VPS50: variants seen among roughly 807,000 people sequenced by gnomAD.
The protein encoded by VPS50 is syndetin.
A neutral mutation model predicts 139.7 loss-of-function variants in VPS50; 70 were observed. The ratio of observed to expected loss-of-function variants is 0.50; its 90% CI spans 0.41 to 0.61. The LOEUF (loss-of-function observed/expected upper bound fraction) is 0.61. Ranked by LOEUF, VPS50 falls within the 20% of genes least tolerant of loss-of-function variation. The probability of loss-of-function intolerance (pLI) is 0.00; values close to 1 mark genes in which losing one functional copy is unlikely to be tolerated. For missense variants in VPS50, 921 were observed against 1,133.7 expected, an observed-to-expected ratio of 0.81 and a Z score of 2.69; for synonymous variants, 365 against 376.7, an observed-to-expected ratio of 0.97 and a Z score of 0.36.
At chr7:93,306,271 G>C (rs536712895) in intron 18 of VPS50, among the ~76,000 whole-genome samples, 1 of 151,844 alleles carries the variant, frequency 6.6e-6, no homozygotes, top group Non-Finnish European at 1.5e-5. Flanking sequence ...TCAAGTAGTA[G>C]TGTAATTTCT....
intron 9 of VPS50, among the ~76,000 whole-genome samples, chr7:93,267,707 G>A (rs760502157): frequency 2.0e-5 from 3 of 152,098 alleles, no homozygotes; most frequent in Non-Finnish European, 4.4e-5. Context: ...TTCGAATTAA[G>A]CCTGGAAAGA....
intron 20 of VPS50, among the ~76,000 whole-genome samples, chr7:93,313,804 T>A (rs1366508020): frequency 6.6e-6 from 1 of 152,184 alleles, no homozygotes; most frequent in Non-Finnish European, 1.5e-5. Context: ...AAAGCCTTAC[T>A]CTGTGAAGAG....
chr7:93,332,062 A>G (rs1319840777), intron 21 of VPS50, among the ~76,000 whole-genome samples: 2 of 152,246 alleles, frequency 1.3e-5, no homozygotes, highest in East Asian at 1.9e-4. Context: ...AAGGCCTGAC[A>G]GTATTAAGAA....
intron 2 of VPS50, chr7:93,245,971 A>T (rs1316481074): frequency 1.6e-6 from 1 of 637,500 alleles, no homozygotes; most frequent in Non-Finnish European, 2.8e-6. Context: ...AAAGAGATAA[A>T]ATCTATTTCT....
intron 12 of VPS50, among the ~76,000 whole-genome samples, chr7:93,285,122 T>TAACA (rs1699283599): frequency 6.6e-6 from 1 of 152,192 alleles, no homozygotes; most frequent in Non-Finnish European, 1.5e-5. Flanking sequence ...CTCATAGTAC[T>TAACA]AACAGCATTC....
intron 2 of VPS50, among the ~76,000 whole-genome samples, chr7:93,245,895 T>G (rs534883176): frequency 6.6e-6 from 1 of 151,984 alleles, no homozygotes; most frequent in East Asian, 1.9e-4. Context: ...CATTATAAAC[T>G]TACGTGGCAT....
intron 26 of VPS50, among the ~76,000 whole-genome samples, chr7:93,355,293 T>A (rs1798674566): frequency 6.6e-6 from 1 of 152,160 alleles, no homozygotes; most frequent in Non-Finnish European, 1.5e-5. Flanking sequence ...TGTTAGGGTT[T>A]GTATATTTGT....
chr7:93,333,930 A>G (rs4729079), intron 21 of VPS50, 187 bp from the exon 22 acceptor site: 226,586 of 533,650 alleles, frequency 0.42, 52,275 homozygotes, highest in African/African-American at 0.73. Context: ...ACACAGGTAA[A>G]TGTTTCTTTG....
intron 1 of VPS50, among the ~76,000 whole-genome samples, chr7:93,233,691 G>T (rs2116752369): frequency 6.6e-6 from 1 of 152,314 alleles, no homozygotes; most frequent in South Asian, 2.1e-4. Flanking sequence ...GTTGAGTACT[G>T]GTGTTGTGCG....
At chr7:93,285,946 T>G (rs550342804) in intron 12 of VPS50, among the ~76,000 whole-genome samples, 3 of 152,298 alleles carry the variant, frequency 2.0e-5, no homozygotes, top group South Asian at 2.1e-4. Flanking sequence ...TTATTAGACA[T>G]GTATGTTGTC....
intron 16 of VPS50, among the ~76,000 whole-genome samples, chr7:93,298,792 C>T (rs547289381): frequency 2.4e-4 from 36 of 152,270 alleles, no homozygotes; most frequent in Non-Finnish European, 4.9e-4. Flanking sequence ...CTCTTAGAAA[C>T]ATTTGTGAAA....
chr7:93,259,303 A>C, intron 8 of VPS50: 1 of 315,612 alleles, frequency 3.2e-6, no homozygotes, highest in East Asian at 5.1e-5. Context: ...AGTCATGGAA[A>C]TGGTCTCAGG....
chr7:93,232,581 C>A lies in VPS50; in HGVS notation c.33+81C>A, dbSNP rs906053693. 2.1e-5 allele frequency: 26 copies of A among 1,251,916 alleles called. No homozygotes were observed. The East Asian group carries it at 5.1e-4, about 25-fold the overall frequency. 77.6% of individuals were successfully genotyped at this position (1,251,916 alleles called of 1,614,324 possible). A position where few individuals can be genotyped will look rare whatever the true frequency, so the allele number is the denominator to read the frequency against. Reference sequence around the variant, plus strand: ...GAGATGTTCTGTCCCCAACCAGTGGCGGGCGGGGATCTAAGTTATGGGTGG... The same window carrying A: ...GAGATGTTCTGTCCCCAACCAGTGGAGGGCGGGGATCTAAGTTATGGGTGG... On this transcript the variant is annotated intron_variant, in intron 1 of 27. Transcript: ENST00000305866.
chr7:93,327,985 A>G (rs990364331), intron 21 of VPS50, among the ~76,000 whole-genome samples: 1 of 152,168 alleles, frequency 6.6e-6, no homozygotes, highest in African/African-American at 2.4e-5. Flanking sequence ...GCTTCTAGAA[A>G]TCATTGGTTG....
chr7:93,276,476 C>T (rs1796157813), intron 12 of VPS50, 171 bp downstream of exon 12: 13 of 1,096,336 alleles, frequency 1.2e-5, no homozygotes, highest in Non-Finnish European at 1.6e-5. Flanking sequence ...AGTTGGAGGA[C>T]TCAGTCACAC....
chr7:93,315,678 A>T (rs1797405197), intron 20 of VPS50, among the ~76,000 whole-genome samples: 1 of 152,232 alleles, frequency 6.6e-6, no homozygotes, highest in Admixed American at 6.5e-5. Context: ...GCATCTTTTC[A>T]TATGCTTAAA....
At chr7:93,348,918 G>C in intron 24 of VPS50, 111 bp downstream of exon 24, 1 of 671,794 alleles carries the variant, frequency 1.5e-6, no homozygotes, top group South Asian at 1.8e-5. Flanking sequence ...GAAACCCCAG[G>C]AGAGCCAGAT....
At chr7:93,321,221 G>A (rs1046741561) in intron 20 of VPS50, 1 of 152,156 alleles carries the variant, frequency 6.6e-6, no homozygotes, top group Non-Finnish European at 1.5e-5. Context: ...GGAAAAGTTT[G>A]CCAACCTCTG....
chr7:93,347,824 T>G (rs1316984009), intron 23 of VPS50, among the ~76,000 whole-genome samples: 1 of 94,478 alleles, frequency 1.1e-5, no homozygotes, highest in Non-Finnish European at 1.9e-5. Context: ...TGGGGACTGT[T>G]GTGGGGTGGG....
Sources: allele counts gnomAD v4.1 joint callset (sites outside exome capture counted in the v4.1 genomes callset), GRCh38; gene constraint gnomAD v4.1.1; transcripts MANE v1.5; gene names NCBI Gene and HGNC (gene_info 2026-07-23, HGNC 2026-07-21).